The following NKTR variants were observed in gnomAD, a reference collection of about 807,000 sequenced individuals.
NKTR encodes the protein natural killer cell triggering receptor, also known as NK-tumor recognition protein.
A neutral mutation model predicts 156.3 loss-of-function variants in NKTR; 67 were observed. The observed-to-expected ratio is 0.43, with a 90% CI of 0.35 to 0.53. The LOEUF is 0.53. Among genes scored for constraint, NKTR ranks in the 20% least tolerant of loss-of-function variants. The pLI, the probability that NKTR is intolerant of heterozygous loss-of-function variation, is 0.01. For synonymous variants in NKTR, 640 were observed against 596.6 expected (o/e 1.07, Z -1.06); for missense variants, 1,604 against 1,730.9 (o/e 0.93, Z 1.30).
chr3:42,640,863 C>CT (rs1709830263), intron 13 of NKTR, among the ~76,000 whole-genome samples: 1 of 152,208 alleles, frequency 6.6e-6, no homozygotes, highest in Non-Finnish European at 1.5e-5. Flanking sequence ...CCTTTTCTCT[C>CT]TGAGTTCCTG....
Position 42,631,186 on chromosome 3 carries a change from T to C in NKTR, c.420T>C (p.Phe140=), listed in dbSNP as rs1221313575. ...APHLDGVHVV[F]GLVISGFEVI... is the part of the protein sequence containing the mutation. ...ATTATGACAGGGTGCATGTAGTCTT[T>C]GGACTGGTTATTTCTGGTTTTGAAG... The change falls in exon 8 of 17, where the codon TTT becomes TTC. Residue 140 remains phenylalanine (F), a synonymous_variant. Coordinates refer to ENST00000232978, the MANE Select transcript of NKTR (RefSeq NM_005385.4). 2.5e-6 allele frequency: 4 copies of C among 1,614,046 alleles called. No homozygotes were observed. The South Asian group carries it at 3.3e-5, about 13-fold the overall frequency.
At chr3:42,644,628 G>A (rs1030846367) in intron 16 of NKTR, among the ~76,000 whole-genome samples, 1 of 152,104 alleles carries the variant, frequency 6.6e-6, no homozygotes, top group African/African-American at 2.4e-5. Context: ...AGGACTCCCT[G>A]CTGCTTTCAT....
intron 6 of NKTR, among the ~76,000 whole-genome samples, chr3:42,625,944 A>G (rs1477266152): frequency 2.6e-5 from 4 of 152,118 alleles, no homozygotes; most frequent in South Asian, 2.1e-4. Flanking sequence ...AAGCACTTCT[A>G]TTTTGGTGAC....
At chr3:42,640,582 TCTTC>T (rs1709803125) in intron 13 of NKTR, among the ~76,000 whole-genome samples, 2 of 152,340 alleles carry the variant, frequency 1.3e-5, no homozygotes, top group Admixed American at 1.3e-4. Context: ...CATCAGTCTT[TCTTC>T]CCTTGCCTAC....
rs763105558 is a variant in NKTR at position 42,638,718 on chromosome 3, A to T, written c.3014A>T (p.His1005Leu). 1.2e-6 allele frequency: 2 copies of T among 1,613,934 alleles called. No homozygotes were observed. Among genetic ancestry groups the T allele is most frequent in the African/African-American group, 2.7e-5 (2 of 74,930 alleles). The change falls in exon 13 of 17, where the codon CAT becomes CTT. Residue 1005 changes from histidine (H) to leucine (L), a missense_variant. By Grantham distance (99) the His-to-Leu change is moderately conservative (BLOSUM62 -3). Transcript: ENST00000232978. ...EKLKGKKDKKHKAPKRKQAFH... is the reference protein window; with the variant it reads ...EKLKGKKDKKLKAPKRKQAFH... ...TTGAAAGGGAAAAAAGACAAAAAGC[A>T]TAAGGCTCCAAAACGAAAGCAAGCA...
At chr3:42,626,912 G>A (rs1001917218) in intron 6 of NKTR, among the ~76,000 whole-genome samples, 1 of 152,028 alleles carries the variant, frequency 6.6e-6, no homozygotes, top group Non-Finnish European at 1.5e-5. Flanking sequence ...ATTTGTGAAA[G>A]GAAATGTAAT....
rs573676864 is a variant in NKTR at position 42,646,591 on chromosome 3, G to C, written c.*616G>C. ...AGTCTGTATTACTTCAGGCTTGTGG[G>C]CAAGGTTAGGAAGAATCAATCAGCC... On this transcript the variant is annotated 3_prime_UTR_variant, in exon 17 of 17. Transcript: ENST00000232978. The C allele has an allele frequency of 6.5e-6, 1 of 152,760 alleles. No homozygotes were observed. Among genetic ancestry groups the C allele is most frequent in the Non-Finnish European group, 1.5e-5 (1 of 68,052 alleles). 9.5% of individuals were successfully genotyped at this position (152,760 alleles called of 1,614,324 possible).
intron 13 of NKTR, among the ~76,000 whole-genome samples, chr3:42,640,745 G>A (rs1024642846): frequency 1.3e-5 from 2 of 152,182 alleles, no homozygotes; most frequent in African/African-American, 4.8e-5. Flanking sequence ...CTGATGGCCA[G>A]TACCATGGCG....
At chr3:42,620,095 C>G in intron 5 of NKTR, 1 of 1,523,180 alleles carries the variant, frequency 6.6e-7, no homozygotes, top group South Asian at 1.2e-5. Context: ...CCCTTGCACC[C>G]TTCCTAATAA....
intron 5 of NKTR, 54 bp from the exon 6 acceptor site, chr3:42,621,375 A>C: frequency 6.4e-7 from 1 of 1,573,792 alleles, no homozygotes; most frequent in Non-Finnish European, 8.6e-7. Flanking sequence ...CTTGAACATT[A>C]CTTTAAAGTG....
At position 42,642,510 on chromosome 3, in the gene NKTR, C is replaced by G. The variant is rs745655596; in HGVS notation, c.4056C>G (p.Ser1352Arg). Residue 1352 changes from serine to arginine, a missense_variant, in exon 14 of 17, where the codon AGC (serine) becomes AGG (arginine). Around this residue, in one of 6 missense-constraint regions of NKTR, gnomAD observed 193 missense variants for 220.2 expected, o/e 0.88. Coordinates refer to ENST00000232978, the MANE Select transcript of NKTR (RefSeq NM_005385.4). ...ATTGCTTTAATTGTAGATCAAGAAG[C>G]TACTCTAGAAGTCGGAGCAGAGGAT... ...RSSTSSYRSR[S>R]YSRSRSRGWY... 6 of 1,612,118 alleles carry G rather than the reference C, an allele frequency of 3.7e-6. No individual in the cohort carries two copies. In the East Asian group the frequency reaches 1.1e-4, roughly 30 times the overall value.
At chr3:42,609,951 C>G (rs930322164) in intron 2 of NKTR, among the ~76,000 whole-genome samples, 3 of 152,042 alleles carry the variant, frequency 2.0e-5, no homozygotes, top group Non-Finnish European at 4.4e-5. Context: ...TAAATATGCT[C>G]TTTTTTACTT....
At position 42,638,865 on chromosome 3, in the gene NKTR, ATAT is replaced by A; in HGVS notation, c.3163_3165del (p.Ile1055del). On this transcript the variant is annotated inframe_deletion, in exon 13 of 17. Coordinates refer to ENST00000232978, the MANE Select transcript of NKTR (RefSeq NM_005385.4). ...GAAAACAATGAAACCATAAAAGATAATATTCTAAAAACTGAGAAATCCAGTGAA... is the reference window on the plus strand; with the variant it reads ...GAAAACAATGAAACCATAAAAGATAATCTAAAAACTGAGAAATCCAGTGAA... 1 of 1,606,062 alleles carries A rather than the reference ATAT, an allele frequency of 6.2e-7. No homozygotes were observed. Among genetic ancestry groups the A allele is most frequent in the Non-Finnish European group, 8.5e-7 (1 of 1,177,848 alleles).
Position 42,638,776 on chromosome 3 carries a change from AGAGGAG to A in NKTR, c.3082_3087del (p.Glu1028_Glu1029del). ...GGCAGCCTCCACTAGAATTTGGTGA[AGAGGAG>A]GAGGAGGAGATTGATGACAAGCAAG... On this transcript the variant is annotated inframe_deletion, in exon 13 of 17. Transcript: ENST00000232978. 1 of 1,613,920 alleles carries A rather than the reference AGAGGAG, an allele frequency of 6.2e-7. No individual in the cohort carries two copies. Among genetic ancestry groups the A allele is most frequent in the Non-Finnish European group, 8.5e-7 (1 of 1,179,988 alleles).
At chr3:42,605,978 T>A (rs984009560) in intron 2 of NKTR, among the ~76,000 whole-genome samples, 16 of 152,150 alleles carry the variant, frequency 1.1e-4, no homozygotes, top group African/African-American at 3.9e-4. Flanking sequence ...TACTGTTTGG[T>A]ATAACAATCG....
chr3:42,645,379 C>T (rs1022302554), intron 16 of NKTR, among the ~76,000 whole-genome samples: 1 of 152,136 alleles, frequency 6.6e-6, no homozygotes, highest in Non-Finnish European at 1.5e-5. Flanking sequence ...TCATTTAAAA[C>T]AGCTTCAAAA....
intron 4 of NKTR, 154 bp downstream of exon 4, chr3:42,619,281 A>G: frequency 7.0e-7 from 1 of 1,432,436 alleles, no homozygotes; most frequent in Non-Finnish European, 9.1e-7. Context: ...TAGGTCCAGA[A>G]TGTATGAAAA....
At chr3:42,609,854 A>G (rs1450320230) in intron 2 of NKTR, among the ~76,000 whole-genome samples, 1 of 151,874 alleles carries the variant, frequency 6.6e-6, no homozygotes, top group Non-Finnish European at 1.5e-5. Flanking sequence ...TTGTCATAAT[A>G]TAAATATCAA....
intron 2 of NKTR, among the ~76,000 whole-genome samples, chr3:42,605,637 A>T (rs543286281): frequency 5.0e-4 from 76 of 152,340 alleles, no homozygotes; most frequent in African/African-American, 1.6e-3. Flanking sequence ...CTCACATTCA[A>T]AATAGCTCAT....
Sources: allele counts gnomAD v4.1 joint callset (sites outside exome capture counted in the v4.1 genomes callset), GRCh38; gene constraint gnomAD v4.1.1; regional missense constraint gnomAD v4.1.1; transcripts MANE v1.5; gene names NCBI Gene and HGNC (gene_info 2026-07-23, HGNC 2026-07-21).